Variants in SMPD3 observed in about 807,000 individuals in gnomAD.
The protein encoded by SMPD3 is sphingomyelin phosphodiesterase 3, also known as nSMase-2.
Under a neutral mutation model 55.7 loss-of-function variants are expected in SMPD3, and 21 were observed. The ratio of observed to expected loss-of-function variants is 0.38; its 90% CI spans 0.27 to 0.54. The LOEUF is 0.54. Among genes scored for constraint, SMPD3 ranks in the 20% least tolerant of loss-of-function variants. SMPD3 has a pLI of 0.80. For synonymous variants in SMPD3, 457 were observed against 404.3 expected, an observed-to-expected ratio of 1.13 and a Z score of -1.56; for missense variants, 842 against 899.6, an observed-to-expected ratio of 0.94 and a Z score of 0.82.
intron 2 of SMPD3, among the ~76,000 whole-genome samples, chr16:68,373,481 T>C (rs2089728164): frequency 6.6e-6 from 1 of 152,212 alleles, no homozygotes; most frequent in African/African-American, 2.4e-5. Flanking sequence ...CCACCCACTG[T>C]CTTGCTGACT....
chr16:68,427,811 G>A (rs1257618154), intron 1 of SMPD3, among the ~76,000 whole-genome samples: 2 of 152,002 alleles, frequency 1.3e-5, no homozygotes, highest in African/African-American at 2.4e-5. Context: ...CTGAAACATC[G>A]AATCAGAGAA....
chr16:68,422,612 T>G (rs1250355595), intron 1 of SMPD3, among the ~76,000 whole-genome samples: 1 of 152,118 alleles, frequency 6.6e-6, no homozygotes, highest in African/African-American at 2.4e-5. Flanking sequence ...ACTGAGGGGT[T>G]GTTTAGTTTG....
intron 1 of SMPD3, among the ~76,000 whole-genome samples, chr16:68,413,489 G>C (rs1258895366): frequency 6.6e-6 from 1 of 152,154 alleles, no homozygotes; most frequent in Non-Finnish European, 1.5e-5. Context: ...ATGATGAGAG[G>C]CTCTGTTTTT....
At position 68,363,512 on chromosome 16, in the gene SMPD3, G is replaced by T; in HGVS notation, c.1693C>A (p.Pro565Thr). Reference protein sequence around the residue: ...NGLYDEDVCTPDNLQKVLESE... With the variant: ...NGLYDEDVCTTDNLQKVLESE... ...AGTGCTTACTTCTGCAGGTTGTCGG[G>T]GGTGCACACATCCTCATCGTACAGG... Residue 565 changes from proline to threonine, a missense_variant, in exon 7 of 9, where the codon CCC becomes ACC. Physicochemically the swap from Pro to Thr is conservative, Grantham distance 38. Coordinates refer to ENST00000219334, the MANE Select transcript of SMPD3 (RefSeq NM_018667.4). 1 of 1,614,072 alleles carries T rather than the reference G, an allele frequency of 6.2e-7. No individual in the cohort carries two copies. The highest frequency in any genetic ancestry group is 8.5e-7 in the Non-Finnish European group (1 of 1,180,014).
Position 68,447,545 on chromosome 16 carries a change from C to T in SMPD3, c.-269+808G>A, listed in dbSNP as rs2090620052. Among the ~76,000 whole-genome samples, 1 of 150,896 alleles carries T rather than the reference C, an allele frequency of 6.6e-6. No individual in the cohort carries two copies. Among genetic ancestry groups the T allele is most frequent in the African/African-American group, 2.4e-5 (1 of 41,058 alleles). ...GGTCCCTCCTGTCCTCGTACATCCC[C>T]CTACACTACCTCTCACACCCAGGCC... On this transcript the variant is annotated intron_variant, in intron 1 of 8. Transcript: ENST00000219334. This position sits in a 1 kb window ranked among gnomAD's most constrained non-coding sequence, Gnocchi z 5.1.
intron 1 of SMPD3, among the ~76,000 whole-genome samples, chr16:68,420,102 C>T (rs962720005): frequency 6.6e-6 from 1 of 151,774 alleles, no homozygotes; most frequent in African/African-American, 2.4e-5. Flanking sequence ...TCCCACCTGT[C>T]TCCCAAGTAG....
chr16:68,364,432 G>A (rs968236222), intron 5 of SMPD3: 2 of 304,900 alleles, frequency 6.6e-6, no homozygotes, highest in Non-Finnish European at 1.2e-5. Flanking sequence ...AATGGCAGCT[G>A]GCTCGAAGCA....
rs2089244589 is a variant in SMPD3 at position 68,361,251 on chromosome 16, T to C, written c.1923A>G (p.Pro641=). 2 of 1,613,112 alleles carry C rather than the reference T, an allele frequency of 1.2e-6. No individual in the cohort carries two copies. The highest frequency in any genetic ancestry group is 2.7e-5 in the African/African-American group (2 of 74,896). ...AAGACACCATCAGTCGCATGGCTAC[T>C]GGCAGGTGGTCCGTCAGGCCGGACA... ...TQLSGLTDHL[P]VAMRLMVSSG... is the part of the protein sequence containing the mutation. The change falls in exon 9 of 9, where the codon CCA becomes CCG. Residue 641 remains proline, a synonymous_variant. Coordinates refer to ENST00000219334, the MANE Select transcript of SMPD3 (RefSeq NM_018667.4).
rs533626243 is a variant in SMPD3 at position 68,372,134 on chromosome 16, C to T, written c.48G>A (p.Leu16=). 4.3e-6 allele frequency: 7 copies of T among 1,612,732 alleles called. No homozygotes were observed. The highest frequency in any genetic ancestry group is 1.7e-5 in the Admixed American group (1 of 59,820). ...TPFPNSCLSA[L]HCVSWALIFP... Reference sequence around the variant, plus strand: ...AGATAAGGGCCCAGGACACACAGTGCAGGGCGGACAGACAGCTGTTAGGAA... The same window carrying T: ...AGATAAGGGCCCAGGACACACAGTGTAGGGCGGACAGACAGCTGTTAGGAA... Residue 16 remains leucine (L), a synonymous_variant, in exon 3 of 9, where the codon CTG becomes CTA. Transcript: ENST00000219334.
chr16:68,372,707 G>A (rs2089703930), intron 2 of SMPD3, among the ~76,000 whole-genome samples: 1 of 152,226 alleles, frequency 6.6e-6, no homozygotes, highest in African/African-American at 2.4e-5. Context: ...GGTGCAAAGG[G>A]AGCAGGCAGG....
chr16:68,419,486 C>A (rs1395610466), intron 1 of SMPD3, among the ~76,000 whole-genome samples: 2 of 152,210 alleles, frequency 1.3e-5, no homozygotes, highest in African/African-American at 2.4e-5. Flanking sequence ...ATGTCCCCCT[C>A]AACGCCTAGC....
intron 2 of SMPD3, 27 bp downstream of exon 2, chr16:68,386,571 C>T (rs568088154): frequency 1.3e-5 from 2 of 152,138 alleles, no homozygotes; most frequent in South Asian, 2.1e-4. Flanking sequence ...CACCCCACCC[C>T]TCTGGTTCCA....
At chr16:68,377,680 G>A (rs2089851870) in intron 2 of SMPD3, among the ~76,000 whole-genome samples, 1 of 152,206 alleles carries the variant, frequency 6.6e-6, no homozygotes, top group Admixed American at 6.5e-5. Context: ...AGCCATGGTG[G>A]CCAGGACCTC....
chr16:68,380,167 G>T (rs2089916784), intron 2 of SMPD3, among the ~76,000 whole-genome samples: 1 of 152,274 alleles, frequency 6.6e-6, no homozygotes, highest in African/African-American at 2.4e-5. Context: ...ACCCACGTCT[G>T]AGCCACACCA....
chr16:68,387,535 C>T (rs1463402350), intron 1 of SMPD3, among the ~76,000 whole-genome samples: 1 of 152,332 alleles, frequency 6.6e-6, no homozygotes, highest in East Asian at 1.9e-4. Context: ...CCAGGCAGCT[C>T]TCTGAGCCCG....
intron 1 of SMPD3, among the ~76,000 whole-genome samples, chr16:68,412,922 A>G (rs2090313129): frequency 6.6e-6 from 1 of 152,360 alleles, no homozygotes; most frequent in Admixed American, 6.5e-5. Context: ...TACCTGCTAC[A>G]TACACACCAT....
intron 1 of SMPD3, among the ~76,000 whole-genome samples, chr16:68,425,300 G>A (rs1304000275): frequency 3.9e-5 from 6 of 152,258 alleles, no homozygotes; most frequent in Non-Finnish European, 5.9e-5. Flanking sequence ...GCTGGAACTG[G>A]TGAGGGAGAA....
rs1313280070 is a variant in SMPD3 at position 68,371,142 on chromosome 16, T to C, written c.1040A>G (p.His347Arg). ...RRRHPDEAFD[H>R]EVSAFFPANL... is the part of the protein sequence containing the mutation. ...GGCGGGGAAGAAGGCGGAGACCTCA[T>C]GGTCGAAGGCCTCGTCGGGGTGCCG... Residue 347 changes from histidine (H) to arginine (R), a missense_variant, in exon 3 of 9, where the codon CAT becomes CGT. Transcript: ENST00000219334. 6.2e-7 allele frequency: 1 copy of C among 1,613,878 alleles called. No individual in the cohort carries two copies. Among genetic ancestry groups the C allele is most frequent in the Admixed American group, 1.7e-5 (1 of 60,034 alleles).
At chr16:68,423,331 C>G (rs2090410982) in intron 1 of SMPD3, among the ~76,000 whole-genome samples, 1 of 152,152 alleles carries the variant, frequency 6.6e-6, no homozygotes, top group South Asian at 2.1e-4. Context: ...TGTTAGAAAC[C>G]TAATCTCCAA....
Sources: allele counts gnomAD v4.1 joint callset (sites outside exome capture counted in the v4.1 genomes callset), GRCh38; gene constraint gnomAD v4.1.1; non-coding constraint Gnocchi (gnomAD v3.1); transcripts MANE v1.5; gene names NCBI Gene and HGNC (gene_info 2026-07-23, HGNC 2026-07-21).